PTPRM: variants seen among roughly 807,000 people sequenced by gnomAD.
PTPRM encodes receptor-type tyrosine-protein phosphatase mu.
A neutral mutation model predicts 186.7 loss-of-function variants in PTPRM; 47 were observed. The ratio of observed to expected loss-of-function variants is 0.25; its 90% CI spans 0.20 to 0.32. PTPRM has a LOEUF of 0.32. PTPRM is among the 10% of genes least tolerant of loss of function. PTPRM has a pLI of 1.00. For missense variants in PTPRM, 1,494 were observed against 1,865.0 expected (o/e 0.80, Z 3.66); for synonymous variants, 668 against 674.9 (o/e 0.99, Z 0.16).
chr18:7,754,357 A>G (rs946975231), intron 1 of PTPRM, among the ~76,000 whole-genome samples: 4 of 152,204 alleles, frequency 2.6e-5, no homozygotes, highest in African/African-American at 9.6e-5. Context: ...ATAGAATACA[A>G]ATTATCCTCT....
intron 11 of PTPRM, among the ~76,000 whole-genome samples, chr18:8,101,814 C>T (rs1426134399): frequency 6.6e-6 from 1 of 152,210 alleles, no homozygotes; most frequent in Non-Finnish European, 1.5e-5. Context: ...TTGTCCCCCA[C>T]TTTGCTTGAT....
intron 22 of PTPRM, among the ~76,000 whole-genome samples, chr18:8,320,688 C>T (rs1171935129): frequency 2.0e-5 from 3 of 152,134 alleles, no homozygotes; most frequent in Non-Finnish European, 4.4e-5. Context: ...TGCCCCATGC[C>T]CACAGCCACC....
intron 1 of PTPRM, among the ~76,000 whole-genome samples, chr18:7,767,627 T>C (rs2042075435): frequency 6.6e-6 from 1 of 152,102 alleles, no homozygotes; most frequent in South Asian, 2.1e-4. Flanking sequence ...ATAAATATCC[T>C]CCATTATGCA....
chr18:7,877,728 C>T (rs563767076), intron 2 of PTPRM, among the ~76,000 whole-genome samples: 1 of 152,180 alleles, frequency 6.6e-6, no homozygotes, highest in African/African-American at 2.4e-5. Context: ...TCCTACCAAG[C>T]TCAGGGAGCC....
At position 8,192,251 on chromosome 18, in the gene PTPRM, A is replaced by G. The variant is rs79023731; in HGVS notation, c.2300+48472A>G. On this transcript the variant is annotated intron_variant, in intron 14 of 32. Coordinates refer to ENST00000580170, the MANE Select transcript of PTPRM (RefSeq NM_001105244.2). ...CGCACACATATTCTAGGCTTTATTC[A>G]TGGGAATGAGCTAGAAGCTATGAAA... 7.0e-3 allele frequency among the ~76,000 whole-genome samples: 1,065 copies of G among 152,302 alleles called. 15 individuals are homozygous for G. Among genetic ancestry groups the G allele is most frequent in the African/African-American group, 0.025 (1,019 of 41,568 alleles).
chr18:7,605,175 T>G (rs981692583), intron 1 of PTPRM, among the ~76,000 whole-genome samples: 4 of 145,678 alleles, frequency 2.7e-5, no homozygotes, highest in African/African-American at 1.0e-4. Context: ...TGATAACTGA[T>G]GAGCTTAAAA....
chr18:7,669,104 T>A (rs1342643017), intron 1 of PTPRM, among the ~76,000 whole-genome samples: 1 of 152,008 alleles, frequency 6.6e-6, no homozygotes. Context: ...GAATGCTCAA[T>A]GACCAGTGTG....
At chr18:8,327,461 A>G (rs532937301) in intron 22 of PTPRM, among the ~76,000 whole-genome samples, 5 of 152,360 alleles carry the variant, frequency 3.3e-5, no homozygotes, top group African/African-American at 7.2e-5. Context: ...CGGAGAGTTT[A>G]TTCATGATTC....
intron 1 of PTPRM, among the ~76,000 whole-genome samples, chr18:7,768,090 T>C (rs1301543995): frequency 2.0e-5 from 3 of 152,234 alleles, no homozygotes; most frequent in African/African-American, 7.2e-5. Flanking sequence ...GACACAGTTA[T>C]AATCAGTATT....
intron 13 of PTPRM, among the ~76,000 whole-genome samples, chr18:8,126,363 T>C (rs1302473308): frequency 6.6e-6 from 1 of 151,844 alleles, no homozygotes; most frequent in Non-Finnish European, 1.5e-5. Flanking sequence ...TTAATATGTA[T>C]ATATATATAA....
chr18:8,093,133 T>C (rs963130312), intron 11 of PTPRM, among the ~76,000 whole-genome samples: 7 of 152,294 alleles, frequency 4.6e-5, no homozygotes, highest in African/African-American at 1.4e-4. Flanking sequence ...GTTTTTTTTT[T>C]TCTCAAGCAG....
chr18:8,126,656 G>A (rs982320729), intron 13 of PTPRM, among the ~76,000 whole-genome samples: 1 of 152,126 alleles, frequency 6.6e-6, no homozygotes, highest in Non-Finnish European at 1.5e-5. Flanking sequence ...TAAGATGTAG[G>A]TAGATAATGT....
In PTPRM at chr18:8,253,250, G is replaced by T; in HGVS notation, c.2590G>T (p.Asp864Tyr). 6.5e-7 allele frequency: 1 copy of T among 1,532,964 alleles called. No homozygotes were observed. 95.0% of individuals were successfully genotyped at this position (1,532,964 alleles called of 1,614,324 possible). Residue 864 changes from aspartate (D) to tyrosine (Y), a missense_variant, in exon 19 of 33, where the codon GAT (aspartate) becomes TAT (tyrosine). Asp to Tyr is a radical substitution (Grantham distance 160, BLOSUM62 -3). This residue lies in a region of PTPRM where 1,107 missense variants were observed against 1,350.2 expected (regional missense o/e 0.82). Coordinates refer to ENST00000580170, the MANE Select transcript of PTPRM (RefSeq NM_001105244.2). The stretch of plus-strand genomic sequence containing the variant: ...AGATGAAACCCACACAATGGCCAGC[G>T]ATACCAGCAGCCTGGTGCAGTCCCA... ...INDETHTMAS[D>Y]TSSLVQSHTY...
chr18:8,091,815 T>TA lies in PTPRM; in HGVS notation c.1856+2965dup, dbSNP rs1467886319. On this transcript the variant is annotated intron_variant, in intron 11 of 32. Coordinates refer to ENST00000580170, the MANE Select transcript of PTPRM (RefSeq NM_001105244.2). ...AATAAGAACTCTGATTATGGAATCG[T>TA]ATGGACCTAAATATAAAGCCATAAT... 3.5e-4 allele frequency among the ~76,000 whole-genome samples: 54 copies of TA among 152,268 alleles called. No individual in the cohort carries two copies. The East Asian group carries it at 6.8e-3, about 19-fold the overall frequency.
At chr18:7,923,930 A>G (rs896609352) in intron 4 of PTPRM, among the ~76,000 whole-genome samples, 1 of 152,354 alleles carries the variant, frequency 6.6e-6, no homozygotes, top group African/African-American at 2.4e-5. Context: ...AAAAAAAGAA[A>G]GTGGGTTGAT....
chr18:7,919,810 A>G (rs1395563419), intron 4 of PTPRM, among the ~76,000 whole-genome samples: 2 of 152,116 alleles, frequency 1.3e-5, no homozygotes, highest in African/African-American at 4.8e-5. Flanking sequence ...GTTCCCTGCT[A>G]TGACTGTATT....
chr18:8,226,719 C>G (rs1469535505), intron 14 of PTPRM, among the ~76,000 whole-genome samples: 1 of 152,210 alleles, frequency 6.6e-6, no homozygotes, highest in Non-Finnish European at 1.5e-5. Context: ...TTCCTACAAA[C>G]CTAGTGGCTT....
chr18:7,999,743 C>T (rs537868268), intron 7 of PTPRM, among the ~76,000 whole-genome samples: 1 of 152,084 alleles, frequency 6.6e-6, no homozygotes, highest in South Asian at 2.1e-4. Context: ...TAGACAGATG[C>T]TCAAATGTGG....
Position 8,113,731 on chromosome 18 carries a change from A to C in PTPRM, c.2102A>C (p.Tyr701Ser). The C allele has an allele frequency of 6.2e-7, 1 of 1,613,806 alleles. No individual in the cohort carries two copies. Among genetic ancestry groups the C allele is most frequent in the Non-Finnish European group, 8.5e-7 (1 of 1,179,762 alleles). The change falls in exon 12 of 33, where the codon TAT becomes TCT. Residue 701 changes from tyrosine (Y) to serine (S), a missense_variant. This residue lies in a region of PTPRM where 1,107 missense variants were observed against 1,350.2 expected (regional missense o/e 0.82). Transcript: ENST00000580170. ...CTCCCCTATAAAAGCTACAGAATTT[A>C]TTTCCAAGCTGCTAGTAGAGCCAAT... ...PLLPYKSYRI[Y>S]FQAASRANGE...
Sources: gnomAD v4.1 joint callset for allele counts (sites outside exome capture counted in the v4.1 genomes callset) on GRCh38, gnomAD v4.1.1 for gene constraint, gnomAD v4.1.1 regional missense constraint, MANE v1.5 for transcripts, NCBI Gene and HGNC (gene_info 2026-07-23, HGNC 2026-07-21) for gene names.